MXD4: variants seen among roughly 807,000 people sequenced by gnomAD.
MXD4 encodes MAX dimerization protein 4.
In MXD4, 16 loss-of-function variants were observed where a neutral mutation model predicts 24.5. The observed-to-expected ratio is 0.65, with a 90% CI of 0.44 to 0.99. The LOEUF is 0.99. Ranked by LOEUF, MXD4 falls within the 50% of genes least tolerant of loss-of-function variation. The pLI, the probability that MXD4 is intolerant of heterozygous loss-of-function variation, is 0.00. For missense variants in MXD4, 301 were observed against 301.5 expected (o/e 1.00, Z 0.01); for synonymous variants, 164 against 134.2 (o/e 1.22, Z -1.54).
chr4:2,260,837 C>T (rs1735524769), intron 2 of MXD4, among the ~76,000 whole-genome samples: 2 of 152,336 alleles, frequency 1.3e-5, no homozygotes, highest in South Asian at 4.1e-4. Context: ...CACAAAAGGG[C>T]TGGGCCAAGG....
At chr4:2,259,046 C>CA (rs1290540409) in intron 2 of MXD4, 1 of 445,194 alleles carries the variant, frequency 2.2e-6, no homozygotes, top group Non-Finnish European at 4.5e-6. Context: ...TCCCGGGCCT[C>CA]CCAGGATGCC....
At chr4:2,251,461 C>T (rs1735321780) in intron 4 of MXD4, among the ~76,000 whole-genome samples, 1 of 152,258 alleles carries the variant, frequency 6.6e-6, no homozygotes, top group South Asian at 2.1e-4. Flanking sequence ...AGTCAGATGC[C>T]ACCTCCCAGC....
intron 4 of MXD4, 68 bp downstream of exon 4, chr4:2,252,339 AC>A (rs1188250259): frequency 5.9e-5 from 77 of 1,296,634 alleles, no homozygotes; most frequent in Middle Eastern, 2.6e-4. Flanking sequence ...ACCTGTGAGC[AC>A]CCCCCCAGGG....
chr4:2,262,028 G>A lies in MXD4; in HGVS notation c.-48C>T, dbSNP rs1735559745. On this transcript the variant is annotated 5_prime_UTR_variant, in exon 1 of 6. Transcript: ENST00000337190. ...CCCGGGACGGCGGCGGCCGCTGCCC[G>A]GCCCGCTCCGGCCGGCTCCGCTCGC... 2.9e-6 allele frequency: 3 copies of A among 1,031,948 alleles called. No individual in the cohort carries two copies. Among genetic ancestry groups the A allele is most frequent in the Non-Finnish European group, 2.3e-6 (2 of 852,028 alleles). The allele number at this position is 1,031,948 out of a possible 1,614,324, so 63.9% of individuals were successfully genotyped here.
intron 3 of MXD4, among the ~76,000 whole-genome samples, chr4:2,256,086 C>G (rs144696509): frequency 0.012 from 1,875 of 152,362 alleles, 24 homozygotes; most frequent in South Asian, 0.028. Flanking sequence ...GGGGCAGAGA[C>G]TCAGCTGAAG....
rs747005030 is a variant in MXD4, at chr4:2,251,235, C to T, written c.321G>A (p.Glu107=). 10 of 1,598,880 alleles carry T rather than the reference C, an allele frequency of 6.3e-6. No homozygotes were observed. The highest frequency in any genetic ancestry group is 8.5e-6 in the Non-Finnish European group (10 of 1,170,332). Residue 107 remains glutamate (E), a synonymous_variant, in exon 5 of 6, where the codon GAG becomes GAA. Transcript: ENST00000337190. ...RAKVHIKKLE[E]QDRRALSIKE... is the part of the protein sequence containing the mutation. ...TGATGCTCAGTGCCCGGCGGTCCTG[C>T]TCCTCCAGTTTCTGGGGTCGAGGGG...
chr4:2,257,167 G>A (rs965540042), intron 3 of MXD4, among the ~76,000 whole-genome samples: 4 of 152,244 alleles, frequency 2.6e-5, no homozygotes, highest in African/African-American at 9.6e-5. Context: ...ACATGGTGGG[G>A]AGGCGGAGAA....
At chr4:2,259,620 G>A (rs1464166417) in intron 2 of MXD4, among the ~76,000 whole-genome samples, 1 of 151,960 alleles carries the variant, frequency 6.6e-6, no homozygotes, top group African/African-American at 2.4e-5. Flanking sequence ...GTGGCACGGG[G>A]CTGGACCCCA....
At chr4:2,260,551 C>G in intron 2 of MXD4, 1 of 455,690 alleles carries the variant, frequency 2.2e-6, no homozygotes. Flanking sequence ...CAGCGGGGGC[C>G]GGGCTTGCTC....
intron 3 of MXD4, among the ~76,000 whole-genome samples, chr4:2,257,041 C>G (rs1386505935): frequency 1.3e-5 from 2 of 152,206 alleles, no homozygotes; most frequent in African/African-American, 4.8e-5. Flanking sequence ...CACACATGAC[C>G]TGTCCAGGAA....
intron 3 of MXD4, 41 bp from the exon 4 acceptor site, chr4:2,252,563 G>A (rs752802733): frequency 6.8e-7 from 1 of 1,466,530 alleles, no homozygotes. Flanking sequence ...TGGGGTGGGG[G>A]AGGGCAGCAG....
At chr4:2,260,630 G>C in intron 2 of MXD4, 1 of 454,018 alleles carries the variant, frequency 2.2e-6, no homozygotes, top group South Asian at 1.6e-5. Flanking sequence ...CCCCAGTAGG[G>C]GACCAGGGGC....
rs1158296497 is a variant in MXD4, at chr4:2,249,566, A to G, written c.*978T>C. On this transcript the variant is annotated 3_prime_UTR_variant, in exon 6 of 6. Transcript: ENST00000337190. ...CCCTAACCGGGCTGCTGGGCAGTGC[A>G]GCATTTTACTTTTTTGCTTTTTGTT... 6.6e-6 allele frequency: 1 copy of G among 152,020 alleles called. No homozygotes were observed. Among genetic ancestry groups the G allele is most frequent in the Non-Finnish European group, 1.5e-5 (1 of 67,988 alleles). The allele number at this position is 152,020 out of a possible 1,614,324, so 9.4% of individuals were successfully genotyped here.
At position 2,261,760 on chromosome 4, in the gene MXD4, C is replaced by T. The variant is rs781503483; in HGVS notation, c.129G>A (p.Lys43=). Residue 43 remains lysine (K), a synonymous_variant, in exon 2 of 6, where the codon AAG becomes AAA. Coordinates refer to ENST00000337190, the MANE Select transcript of MXD4 (RefSeq NM_006454.3). ...FDGDFAREKT[K]AAGLVRKAPN... is the part of the protein sequence containing the mutation. Reference sequence around the variant, plus strand: ...GGGCCTTGCGCACCAGGCCGGCCGCCTTTGTTTTCTCCCTGGCGAAGTCGC... The same window carrying T: ...GGGCCTTGCGCACCAGGCCGGCCGCTTTTGTTTTCTCCCTGGCGAAGTCGC... 5.6e-6 allele frequency: 8 copies of T among 1,431,926 alleles called. No individual in the cohort carries two copies. Among genetic ancestry groups the T allele is most frequent in the Admixed American group, 2.4e-5 (1 of 42,444 alleles). The allele number at this position is 1,431,926 out of a possible 1,614,324, so 88.7% of individuals were successfully genotyped here.
chr4:2,253,513 C>T (rs1178145066), intron 3 of MXD4: 2 of 152,240 alleles, frequency 1.3e-5, no homozygotes, highest in East Asian at 3.8e-4. Context: ...AGTGGAATGA[C>T]CAGGTGAAGG....
chr4:2,249,733 G>T lies in MXD4; in HGVS notation c.*811C>A, dbSNP rs1735273553. ...CTACTGGGTGGGCGTGGGTGAGCAG[G>T]AGCTAGAGGGGGATCCAGGCACAGC... On this transcript the variant is annotated 3_prime_UTR_variant, in exon 6 of 6. Transcript: ENST00000337190. The T allele has an allele frequency of 6.6e-6, 1 of 152,284 alleles. No individual in the cohort carries two copies. The highest frequency in any genetic ancestry group is 1.5e-5 in the Non-Finnish European group (1 of 68,096). The allele number at this position is 152,284 out of a possible 1,614,324, so 9.4% of individuals were successfully genotyped here. A position where few individuals can be genotyped will look rare whatever the true frequency, so the allele number is the denominator to read the frequency against.
chr4:2,250,779 G>A, intron 5 of MXD4, 78 bp from the exon 6 acceptor site: 1 of 1,527,108 alleles, frequency 6.5e-7, no homozygotes, highest in Non-Finnish European at 8.9e-7. Flanking sequence ...GGAAGCAGAA[G>A]CTCTAGGCAG....
intron 3 of MXD4, chr4:2,252,958 T>C (rs577525036): frequency 2.5e-4 from 41 of 167,138 alleles, no homozygotes; most frequent in Non-Finnish European, 4.6e-4. Context: ...ACGTGCTCTC[T>C]GTCACTTTTG....
Position 2,257,989 on chromosome 4 carries a change from T to C in MXD4, c.187A>G (p.Lys63Glu), listed in dbSNP as rs1197953392. Residue 63 changes from lysine (K) to glutamate (E), a missense_variant, in exon 3 of 6, where the codon AAG becomes GAG. Lys to Glu is a moderately conservative substitution (Grantham distance 56). Transcript: ENST00000337190. ...AACTGGGGGGTCACTTACCTGTGCTTTTCTAGCTCGTTGTGTGAAGACCTG... is the reference window on the plus strand; with the variant it reads ...AACTGGGGGGTCACTTACCTGTGCTCTTCTAGCTCGTTGTGTGAAGACCTG... ...NNRSSHNELE[K>E]HRRAKLRLYL... is the part of the protein sequence containing the mutation. 2 of 1,613,716 alleles carry C rather than the reference T, an allele frequency of 1.2e-6. No individual in the cohort carries two copies. Among genetic ancestry groups the C allele is most frequent in the Admixed American group, 1.7e-5 (1 of 60,018 alleles).
Sources: gnomAD v4.1 joint callset for allele counts (sites outside exome capture counted in the v4.1 genomes callset) on GRCh38, gnomAD v4.1.1 for gene constraint, MANE v1.5 for transcripts, NCBI Gene and HGNC (gene_info 2026-07-23, HGNC 2026-07-21) for gene names.